Variants in GRM5 observed in about 807,000 individuals in gnomAD.
The protein encoded by GRM5 is metabotropic glutamate receptor 5.
In GRM5, 19 loss-of-function variants were observed where a neutral mutation model predicts 83.1. The observed-to-expected ratio is 0.23, with a 90% CI of 0.16 to 0.34. The LOEUF (loss-of-function observed/expected upper bound fraction) is 0.34. Among genes scored for constraint, GRM5 ranks in the 10% least tolerant of loss-of-function variants. The probability of loss-of-function intolerance (pLI) is 1.00; values close to 1 mark genes in which losing one functional copy is unlikely to be tolerated. For missense variants in GRM5, 1,160 were observed against 1,588.3 expected (o/e 0.73, Z 4.58); for synonymous variants, 675 against 633.6 (o/e 1.07, Z -0.98).
At chr11:88,637,017 A>G (rs369740770) in intron 4 of GRM5, among the ~76,000 whole-genome samples, 13 of 152,242 alleles carry the variant, frequency 8.5e-5, no homozygotes, top group East Asian at 3.9e-4. Flanking sequence ...TTGGCTTAGG[A>G]TTGACTTGGC....
chr11:88,986,839 T>C (rs1481237860), intron 2 of GRM5, among the ~76,000 whole-genome samples: 1 of 151,806 alleles, frequency 6.6e-6, no homozygotes, highest in East Asian at 1.9e-4. Context: ...AGTTTTATGT[T>C]TTCACATCTC....
chr11:88,898,978 G>T (rs1945276464), intron 2 of GRM5, among the ~76,000 whole-genome samples: 1 of 151,942 alleles, frequency 6.6e-6, no homozygotes. Context: ...TAGTGGGTCA[G>T]AGTTTAGGTG....
At chr11:88,856,591 T>C (rs867010014) in intron 2 of GRM5, among the ~76,000 whole-genome samples, 17 of 152,108 alleles carry the variant, frequency 1.1e-4, no homozygotes, top group African/African-American at 2.9e-4. Context: ...GATAAAAATA[T>C]AGTATAGTTA....
chr11:88,792,985 G>A (rs1195408295), intron 3 of GRM5, among the ~76,000 whole-genome samples: 1 of 152,020 alleles, frequency 6.6e-6, no homozygotes, highest in Admixed American at 6.6e-5. Context: ...AGTAAGACGG[G>A]CCTTGTAATA....
intron 3 of GRM5, among the ~76,000 whole-genome samples, chr11:88,697,859 T>G (rs1940938288): frequency 6.6e-6 from 1 of 152,224 alleles, no homozygotes; most frequent in Non-Finnish European, 1.5e-5. Context: ...GTTTATATCT[T>G]GGCACTACTT....
intron 2 of GRM5, among the ~76,000 whole-genome samples, chr11:88,938,384 C>A (rs372061153): frequency 6.6e-6 from 1 of 151,280 alleles, no homozygotes; most frequent in Non-Finnish European, 1.5e-5. Context: ...TTTTCATACA[C>A]GAAGGACTAT....
At chr11:88,671,718 C>T (rs1259837507) in intron 3 of GRM5, among the ~76,000 whole-genome samples, 1 of 151,950 alleles carries the variant, frequency 6.6e-6, no homozygotes, top group Non-Finnish European at 1.5e-5. Context: ...TTGAAGAAGG[C>T]AATAACCCAG....
At chr11:88,638,082 A>C (rs933115489) in intron 4 of GRM5, among the ~76,000 whole-genome samples, 1 of 146,730 alleles carries the variant, frequency 6.8e-6, no homozygotes, top group Non-Finnish European at 1.5e-5. Context: ...GCGTATTCTC[A>C]CTCTTAGGTG....
At chr11:88,908,808 T>G (rs11021669) in intron 2 of GRM5, among the ~76,000 whole-genome samples, 2,522 of 152,248 alleles carry the variant, frequency 0.017, 44 homozygotes, top group East Asian at 0.067. Context: ...GATATTAAAC[T>G]GTTTGTTCAG....
chr11:88,514,383 C>T (rs1054718721), intron 9 of GRM5, among the ~76,000 whole-genome samples: 2 of 151,898 alleles, frequency 1.3e-5, no homozygotes, highest in African/African-American at 4.8e-5. Context: ...CTGTTTTTCC[C>T]TTCCATATCA....
At chr11:88,865,332 G>T (rs1439879088) in intron 2 of GRM5, among the ~76,000 whole-genome samples, 1 of 152,118 alleles carries the variant, frequency 6.6e-6, no homozygotes, top group African/African-American at 2.4e-5. Context: ...TTTAATAAAT[G>T]GTGTTGGGAA....
chr11:88,785,517 A>G (rs1943052212), intron 3 of GRM5, among the ~76,000 whole-genome samples: 1 of 152,116 alleles, frequency 6.6e-6, no homozygotes, highest in African/African-American at 2.4e-5. Context: ...CAAAACATCT[A>G]TAGTTAAAAT....
intron 8 of GRM5, among the ~76,000 whole-genome samples, chr11:88,534,075 A>T (rs1942078765): frequency 1.3e-5 from 2 of 152,152 alleles, no homozygotes; most frequent in Admixed American, 1.3e-4. Context: ...GATGTATGAA[A>T]ATGTCTGACG....
At chr11:88,974,374 G>GAGATAGATAGATAGATAGATAGAT (rs71046273) in intron 2 of GRM5, among the ~76,000 whole-genome samples, 6 of 147,710 alleles carry the variant, frequency 4.1e-5, no homozygotes, top group African/African-American at 1.0e-4. Flanking sequence ...CCTGGCAATA[G>GAGATAGATAGATAGATAGATAGAT]AGATAGATAG....
At chr11:88,919,481 G>A (rs1945653661) in intron 2 of GRM5, among the ~76,000 whole-genome samples, 1 of 150,918 alleles carries the variant, frequency 6.6e-6, no homozygotes, top group Admixed American at 6.6e-5. Flanking sequence ...TTGCAGGATT[G>A]GACAGATTAT....
At chr11:88,667,428 A>G in intron 3 of GRM5, among the ~76,000 whole-genome samples, 1 of 152,220 alleles carries the variant, frequency 6.6e-6, no homozygotes, top group East Asian at 1.9e-4. Context: ...CAAAATGAAT[A>G]TGAAGTAATT....
intron 2 of GRM5, among the ~76,000 whole-genome samples, chr11:88,963,424 T>C (rs1485870880): frequency 6.6e-6 from 1 of 152,212 alleles, no homozygotes; most frequent in Non-Finnish European, 1.5e-5. Context: ...TTTTGATCAC[T>C]GAATGTGAGC....
chr11:88,529,945 T>G (rs925596396), intron 8 of GRM5, among the ~76,000 whole-genome samples: 9 of 151,986 alleles, frequency 5.9e-5, no homozygotes, highest in South Asian at 4.2e-4. Flanking sequence ...TTGGAATATT[T>G]GATTTGAGAT....
intron 2 of GRM5, among the ~76,000 whole-genome samples, chr11:88,938,580 C>A (rs1354564185): frequency 6.7e-6 from 1 of 149,706 alleles, no homozygotes. Context: ...AGAAGGTACA[C>A]CCCAGAGAAG....
Sources: gnomAD v4.1 joint callset for allele counts (sites outside exome capture counted in the v4.1 genomes callset) on GRCh38, gnomAD v4.1.1 for gene constraint, MANE v1.5 for transcripts, NCBI Gene and HGNC (gene_info 2026-07-23, HGNC 2026-07-21) for gene names.